The following KCNQ1 variants were observed in gnomAD, a reference collection of about 807,000 sequenced individuals.
KCNQ1 encodes potassium voltage-gated channel subfamily Q member 1, also known as potassium voltage-gated channel subfamily KQT member 1.
Under a neutral mutation model 72.4 loss-of-function variants are expected in KCNQ1, and 49 were observed. That is an observed-to-expected ratio of 0.68 (90% confidence interval 0.54 to 0.86). The LOEUF (loss-of-function observed/expected upper bound fraction) is 0.86. Among genes scored for constraint, KCNQ1 ranks in the 40% least tolerant of loss-of-function variants. The pLI, the probability that KCNQ1 is intolerant of heterozygous loss-of-function variation, is 0.00. For missense variants in KCNQ1, 790 were observed against 945.1 expected, an observed-to-expected ratio of 0.84 and a Z score of 2.15; for synonymous variants, 450 against 412.6, an observed-to-expected ratio of 1.09 and a Z score of -1.10.
rs1032671833 is a variant in KCNQ1 at position 2,588,017 on chromosome 11, T to C, written c.1251+325T>C. On this transcript the variant is annotated intron_variant, in intron 9 of 15. Coordinates refer to ENST00000155840, the MANE Select transcript of KCNQ1 (RefSeq NM_000218.3). This position sits in a 1 kb window ranked among gnomAD's most constrained non-coding sequence, Gnocchi z 5.6. ...GTTGGGCTTTCCACACCGGGCGCAG[T>C]GGGTGGTGAGCAGTGGGCAGGGGGC... Among the ~76,000 whole-genome samples, 2 of 146,624 alleles carry C rather than the reference T, an allele frequency of 1.4e-5. No homozygotes were observed. The highest frequency in any genetic ancestry group is 5.1e-5 in the African/African-American group (2 of 39,228).
Position 2,670,003 on chromosome 11 carries a change from G to A in KCNQ1, c.1514+7922G>A. On this transcript the variant is annotated intron_variant, in intron 11 of 15. Transcript: ENST00000155840. This position sits in a 1 kb window ranked among gnomAD's most constrained non-coding sequence, Gnocchi z 4.9. ...ACCTCAAATCTCGGAATGGGGTTCAGGAGCTGTTGGGGTCCCGTGGAGGTA... is the reference window on the plus strand; with the variant it reads ...ACCTCAAATCTCGGAATGGGGTTCAAGAGCTGTTGGGGTCCCGTGGAGGTA... 1 of 398,736 alleles carries A rather than the reference G, an allele frequency of 2.5e-6. No individual in the cohort carries two copies. The allele number at this position is 398,736 out of a possible 1,614,324, so 24.7% of individuals were successfully genotyped here.
At chr11:2,546,258 C>A (rs528251720) in intron 2 of KCNQ1, among the ~76,000 whole-genome samples, 36 of 152,170 alleles carry the variant, frequency 2.4e-4, no homozygotes, top group African/African-American at 7.9e-4. Flanking sequence ...TTTCAAGATA[C>A]CTTTCTGTTA....
intron 2 of KCNQ1, among the ~76,000 whole-genome samples, chr11:2,528,421 T>C (rs1045316375): frequency 2.8e-4 from 43 of 152,272 alleles, no homozygotes; most frequent in African/African-American, 1.0e-3. Flanking sequence ...CCTGCTGGTG[T>C]CCCAGCAGCA....
chr11:2,453,141 A>G (rs1283623552), intron 1 of KCNQ1, among the ~76,000 whole-genome samples: 5 of 152,242 alleles, frequency 3.3e-5, no homozygotes, highest in African/African-American at 9.6e-5. Flanking sequence ...TGGGAGGCCA[A>G]GGCGGGCGGA....
Position 2,483,554 on chromosome 11 carries a change from T to C in KCNQ1, c.386+38070T>C, listed in dbSNP as rs1459178080. 6.6e-6 allele frequency among the ~76,000 whole-genome samples: 1 copy of C among 152,224 alleles called. No homozygotes were observed. Among genetic ancestry groups the C allele is most frequent in the Non-Finnish European group, 1.5e-5 (1 of 68,034 alleles). The stretch of plus-strand genomic sequence containing the variant: ...GTCTCCTTTCGTGTCCTGCAGCCTG[T>C]GCCAGCTCCTCAGTCTCTCTTTGTC... On this transcript the variant is annotated intron_variant, in intron 1 of 15. Transcript: ENST00000155840. This position sits in a 1 kb window ranked among gnomAD's most constrained non-coding sequence, Gnocchi z 6.1.
rs1850573796 is a variant in KCNQ1, at chr11:2,690,673, G to A, written c.1514+28592G>A. The A allele has an allele frequency of 5.0e-6, 2 of 398,658 alleles. No individual in the cohort carries two copies. Among genetic ancestry groups the A allele is most frequent in the East Asian group, 7.1e-5 (2 of 28,076 alleles). 24.7% of individuals were successfully genotyped at this position (398,658 alleles called of 1,614,324 possible). The stretch of plus-strand genomic sequence containing the variant: ...AGTGTATGTGTGTCAGTGCACATAG[G>A]TATAGGGGCTGTCTCTCAGAATTCC... On this transcript the variant is annotated intron_variant, in intron 11 of 15. Transcript: ENST00000155840. This position sits in a 1 kb window ranked among gnomAD's most constrained non-coding sequence, Gnocchi z 5.1.
intron 11 of KCNQ1, among the ~76,000 whole-genome samples, chr11:2,760,333 A>T (rs1846371849): frequency 6.6e-6 from 1 of 152,186 alleles, no homozygotes; most frequent in Non-Finnish European, 1.5e-5. Flanking sequence ...ACATTAACAA[A>T]TGAACCAGCG....
rs72847679 is a variant in KCNQ1, at chr11:2,544,545, T to C, written c.477+16527T>C. 0.062 allele frequency among the ~76,000 whole-genome samples: 9,407 copies of C among 152,038 alleles called. 381 individuals carry two copies. Among genetic ancestry groups the C allele is most frequent in the Middle Eastern group, 0.09 (26 of 288 alleles). ...TTCTGTCAGAGATGTTTCATAGTTT[T>C]TAGTGTATAGGTCTTGTACATCTTT... On this transcript the variant is annotated intron_variant, in intron 2 of 15. Transcript: ENST00000155840. The surrounding 1 kb of genome is among the most constrained non-coding windows in gnomAD (Gnocchi z 4.4).
At chr11:2,733,212 C>A (rs1179631939) in intron 11 of KCNQ1, among the ~76,000 whole-genome samples, 1 of 136,316 alleles carries the variant, frequency 7.3e-6, no homozygotes, top group Non-Finnish European at 1.6e-5. Flanking sequence ...CCACCCCCAC[C>A]CCCACCCCCA....
chr11:2,633,363 G>A (rs1849396119), intron 10 of KCNQ1: 1 of 398,236 alleles, frequency 2.5e-6, no homozygotes, highest in African/African-American at 2.1e-5. Flanking sequence ...TTATGTGTAG[G>A]TTTTTAGTTT....
chr11:2,829,974 AGGAGGAGGGAGGAGGAAGGAAGAG>A, intron 15 of KCNQ1, among the ~76,000 whole-genome samples: 1 of 122,078 alleles, frequency 8.2e-6, no homozygotes, highest in African/African-American at 3.1e-5. Flanking sequence ...ATGAGAAGGA[AGGAGGAGGGAGGAGGAAGGAAGAG>A]GGAGGAGGAA....
At chr11:2,625,314 G>A (rs1210023008) in intron 10 of KCNQ1, 1 of 398,452 alleles carries the variant, frequency 2.5e-6, no homozygotes, top group Non-Finnish European at 4.4e-6. Flanking sequence ...GCAGTGGCAT[G>A]ATCATGGCAC....
intron 15 of KCNQ1, among the ~76,000 whole-genome samples, chr11:2,778,806 C>T (rs559363668): frequency 7.9e-5 from 12 of 152,356 alleles, no homozygotes; most frequent in Non-Finnish European, 1.3e-4. Context: ...GCAGGGAGTG[C>T]GTCTGCCGCC....
At position 2,642,270 on chromosome 11, in the gene KCNQ1, G is replaced by C. The variant is rs1849592058; in HGVS notation, c.1394-19691G>C. ...CATGAGAATGGGATGTTTTTTGTGT[G>C]TTCTTTTCAATTTCTTTCATCAGAC... On this transcript the variant is annotated intron_variant, in intron 10 of 15. Coordinates refer to ENST00000155840, the MANE Select transcript of KCNQ1 (RefSeq NM_000218.3). The surrounding 1 kb of genome is among the most constrained non-coding windows in gnomAD (Gnocchi z 4.3). 2.5e-6 allele frequency: 1 copy of C among 398,092 alleles called. No homozygotes were observed. The highest frequency in any genetic ancestry group is 2.1e-5 in the African/African-American group (1 of 48,602). The allele number at this position is 398,092 out of a possible 1,614,324, so 24.7% of individuals were successfully genotyped here. A position where few individuals can be genotyped will look rare whatever the true frequency, so the allele number is the denominator to read the frequency against.
In KCNQ1 at chr11:2,541,952, G is replaced by A. The variant is rs926816112; in HGVS notation, c.477+13934G>A. 5.3e-5 allele frequency among the ~76,000 whole-genome samples: 8 copies of A among 152,170 alleles called. No homozygotes were observed. Among genetic ancestry groups the A allele is most frequent in the East Asian group, 1.9e-4 (1 of 5,162 alleles). ...TGCACCCCTCCTGTGAAAGGCCGGCGCAGAGCTGCACCGTGGGGTCCCCTG... is the reference window on the plus strand; with the variant it reads ...TGCACCCCTCCTGTGAAAGGCCGGCACAGAGCTGCACCGTGGGGTCCCCTG... On this transcript the variant is annotated intron_variant, in intron 2 of 15. Coordinates refer to ENST00000155840, the MANE Select transcript of KCNQ1 (RefSeq NM_000218.3). The surrounding 1 kb of genome is among the most constrained non-coding windows in gnomAD (Gnocchi z 4.8).
chr11:2,741,815 G>C (rs1846056776), intron 11 of KCNQ1, among the ~76,000 whole-genome samples: 1 of 152,186 alleles, frequency 6.6e-6, no homozygotes, highest in African/African-American at 2.4e-5. Flanking sequence ...CTCCGCCTGT[G>C]GTTTTCCTCC....
chr11:2,692,649 C>T (rs986476568), intron 11 of KCNQ1: 5 of 398,610 alleles, frequency 1.3e-5, no homozygotes, highest in Non-Finnish European at 2.2e-5. Flanking sequence ...GCACTCCCCT[C>T]AGGGTGCAAA....
rs140420958 is a variant in KCNQ1 at position 2,826,860 on chromosome 11, A to C, written c.1795-20907A>C. Among the ~76,000 whole-genome samples the C allele has an allele frequency of 1.6e-3, 246 of 152,268 alleles. 1 individual carries two copies. The highest frequency in any genetic ancestry group is 0.014 in the Middle Eastern group (4 of 294). ...CACACAGGCCAGCAGCCTGTAAACCACTGGGTGTGGGGTGTCTGGTCCTGG... is the reference window on the plus strand; with the variant it reads ...CACACAGGCCAGCAGCCTGTAAACCCCTGGGTGTGGGGTGTCTGGTCCTGG... On this transcript the variant is annotated intron_variant, in intron 15 of 15. Coordinates refer to ENST00000155840, the MANE Select transcript of KCNQ1 (RefSeq NM_000218.3). This position sits in a 1 kb window ranked among gnomAD's most constrained non-coding sequence, Gnocchi z 4.2.
chr11:2,702,238 G>A (rs763347570), intron 11 of KCNQ1, among the ~76,000 whole-genome samples: 15 of 152,252 alleles, frequency 9.9e-5, no homozygotes, highest in Non-Finnish European at 1.9e-4. Context: ...ACATTCTGGT[G>A]GGAAAGACAG....
Sources: gnomAD v4.1 joint callset for allele counts (sites outside exome capture counted in the v4.1 genomes callset) on GRCh38, gnomAD v4.1.1 for gene constraint, Gnocchi (gnomAD v3.1) non-coding constraint, MANE v1.5 for transcripts, NCBI Gene and HGNC (gene_info 2026-07-23, HGNC 2026-07-21) for gene names.